NUSAP1: variants seen among roughly 807,000 people sequenced by gnomAD.
The protein encoded by NUSAP1 is nucleolar and spindle associated protein 1.
NUSAP1 carries 32 observed loss-of-function variants against 52.8 expected under a neutral mutation model. The ratio of observed to expected loss-of-function variants is 0.61; its 90% CI spans 0.46 to 0.81. The LOEUF (loss-of-function observed/expected upper bound fraction) is 0.81. Ranked by LOEUF, NUSAP1 falls within the 40% of genes least tolerant of loss-of-function variation. NUSAP1 has a pLI of 0.00. For synonymous variants in NUSAP1, 195 were observed against 183.1 expected, an observed-to-expected ratio of 1.06 and a Z score of -0.52; for missense variants, 499 against 522.3, an observed-to-expected ratio of 0.96 and a Z score of 0.43.
chr15:41,373,805 C>T (rs2049811690), intron 8 of NUSAP1, among the ~76,000 whole-genome samples: 2 of 152,030 alleles, frequency 1.3e-5, no homozygotes, highest in Admixed American at 6.6e-5. Flanking sequence ...TGACTTTAAA[C>T]AATCCTCCTG....
intron 1 of NUSAP1, among the ~76,000 whole-genome samples, chr15:41,336,301 T>A (rs2140499443): frequency 6.7e-6 from 1 of 150,254 alleles, no homozygotes; most frequent in East Asian, 1.9e-4. Context: ...ATAATAAATA[T>A]ATAGGAGATA....
chr15:41,349,046 A>C, intron 2 of NUSAP1, 52 bp from the exon 3 acceptor site: 1 of 1,538,026 alleles, frequency 6.5e-7, no homozygotes, highest in Middle Eastern at 1.7e-4. Context: ...ATTCTTCCTG[A>C]GCATTATAAC....
chr15:41,373,999 C>T (rs964088460), intron 8 of NUSAP1, among the ~76,000 whole-genome samples: 2 of 152,148 alleles, frequency 1.3e-5, no homozygotes, highest in African/African-American at 2.4e-5. Flanking sequence ...ACCATCCTGG[C>T]TAACACACTG....
chr15:41,345,688 C>T, intron 2 of NUSAP1: 1 of 253,980 alleles, frequency 3.9e-6, no homozygotes, highest in Non-Finnish European at 7.8e-6. Context: ...AAACTCCCAA[C>T]CTCAGGTGAT....
At chr15:41,374,421 A>T (rs960590712) in intron 8 of NUSAP1, among the ~76,000 whole-genome samples, 2 of 152,156 alleles carry the variant, frequency 1.3e-5, no homozygotes, top group African/African-American at 2.4e-5. Context: ...CCTGAATCCC[A>T]TTCATGACCT....
At chr15:41,351,699 G>A (rs2048784503) in intron 4 of NUSAP1, among the ~76,000 whole-genome samples, 1 of 152,074 alleles carries the variant, frequency 6.6e-6, no homozygotes, top group South Asian at 2.1e-4. Flanking sequence ...AGGTGAAAGG[G>A]TTGCTTGAAC....
intron 7 of NUSAP1, among the ~76,000 whole-genome samples, chr15:41,366,076 A>C (rs561254942): frequency 1.3e-5 from 2 of 151,966 alleles, no homozygotes; most frequent in African/African-American, 4.8e-5. Flanking sequence ...TAATTAGCAT[A>C]TCCATCATCT....
intron 1 of NUSAP1, among the ~76,000 whole-genome samples, chr15:41,335,570 A>G (rs1472907036): frequency 2.2e-5 from 3 of 138,308 alleles, no homozygotes; most frequent in Non-Finnish European, 4.5e-5. Context: ...TATTTAATAT[A>G]CTAAATATAT....
At chr15:41,341,409 C>G (rs1745508894) in intron 1 of NUSAP1, among the ~76,000 whole-genome samples, 1 of 152,090 alleles carries the variant, frequency 6.6e-6, no homozygotes, top group South Asian at 2.1e-4. Flanking sequence ...ATCAAATTAA[C>G]ATTGTTCTTT....
intron 5 of NUSAP1, 77 bp from the exon 6 acceptor site, chr15:41,358,072 G>A (rs2049033847): frequency 4.7e-6 from 3 of 641,722 alleles, no homozygotes; most frequent in Admixed American, 3.2e-5. Context: ...AAGAGAATAA[G>A]TGTTAACAGA....
chr15:41,376,266 G>A (rs2049929367), intron 9 of NUSAP1, among the ~76,000 whole-genome samples: 1 of 151,944 alleles, frequency 6.6e-6, no homozygotes, highest in South Asian at 2.1e-4. Context: ...CTGGCGTGGT[G>A]GCGGCGCCTG....
At position 41,371,163 on chromosome 15, in the gene NUSAP1, T is replaced by G. The variant is rs149333766; in HGVS notation, c.849-364T>G. On this transcript the variant is annotated intron_variant, in intron 7 of 10. Coordinates refer to ENST00000559596, the MANE Select transcript of NUSAP1 (RefSeq NM_016359.5). ...CCACTCACCTAGCATAGCAGTCTTC[T>G]GCTACCTGTGACTTCCCCTAACCTG... is the stretch of plus-strand genomic sequence containing the variant. 3.5e-4 allele frequency among the ~76,000 whole-genome samples: 53 copies of G among 152,280 alleles called. 1 individual carries two copies. The East Asian group carries it at 8.9e-3, about 25-fold the overall frequency.
At chr15:41,347,545 G>A (rs1342586261) in intron 2 of NUSAP1, among the ~76,000 whole-genome samples, 2 of 152,096 alleles carry the variant, frequency 1.3e-5, no homozygotes, top group East Asian at 3.9e-4. Flanking sequence ...GCCGGGTGCG[G>A]TGGCTCACTC....
intron 7 of NUSAP1, among the ~76,000 whole-genome samples, chr15:41,366,478 C>T (rs2049421331): frequency 6.6e-6 from 1 of 151,862 alleles, no homozygotes; most frequent in African/African-American, 2.4e-5. Context: ...GACGGGGTTT[C>T]ACCATGTTGG....
At chr15:41,379,296 T>A (rs1403378570) in intron 10 of NUSAP1, among the ~76,000 whole-genome samples, 6 of 132,486 alleles carry the variant, frequency 4.5e-5, no homozygotes, top group Non-Finnish European at 7.9e-5. Context: ...TTAAAACAAA[T>A]TTTTTTTTTT....
intron 6 of NUSAP1, among the ~76,000 whole-genome samples, chr15:41,362,008 AC>A (rs1401535984): frequency 6.6e-6 from 1 of 152,108 alleles, no homozygotes; most frequent in Non-Finnish European, 1.5e-5. Context: ...TTTTATGATA[AC>A]AAAAGACAGA....
rs1454921680 is a variant in NUSAP1, at chr15:41,365,745, A to T, written c.848+156A>T. On this transcript the variant is annotated intron_variant, in intron 7 of 10. Coordinates refer to ENST00000559596, the MANE Select transcript of NUSAP1 (RefSeq NM_016359.5). Reference sequence around the variant, plus strand: ...TTTTCTTTTTTTTTTTTTTGAGATGAGGTCTCGCTCTGTCGCCCAGGCTGG... The same window carrying T: ...TTTTCTTTTTTTTTTTTTTGAGATGTGGTCTCGCTCTGTCGCCCAGGCTGG... 99 of 443,354 alleles carry T rather than the reference A, an allele frequency of 2.2e-4. No homozygotes were observed. In the Admixed American group the frequency reaches 4.4e-3, roughly 20 times the overall value. The allele number at this position is 443,354 out of a possible 1,614,324, so 27.5% of individuals were successfully genotyped here.
intron 3 of NUSAP1, among the ~76,000 whole-genome samples, chr15:41,350,207 C>A (rs947638291): frequency 6.6e-6 from 1 of 152,206 alleles, no homozygotes; most frequent in Non-Finnish European, 1.5e-5. Context: ...AAAAGCTGAG[C>A]CTTGAACAAA....
intron 5 of NUSAP1, 53 bp from the exon 6 acceptor site, chr15:41,358,096 G>T: frequency 1.3e-6 from 1 of 790,292 alleles, no homozygotes; most frequent in Non-Finnish European, 2.1e-6. Context: ...ACACAGAGAA[G>T]ATAAATAAAT....
Sources: allele counts gnomAD v4.1 joint callset (sites outside exome capture counted in the v4.1 genomes callset), GRCh38; gene constraint gnomAD v4.1.1; transcripts MANE v1.5; gene names NCBI Gene and HGNC (gene_info 2026-07-23, HGNC 2026-07-21).